YIPF1: variants seen among roughly 807,000 people sequenced by gnomAD.
The protein encoded by YIPF1 is protein YIPF1.
A neutral mutation model predicts 37.0 loss-of-function variants in YIPF1; 22 were observed. The ratio of observed to expected loss-of-function variants is 0.59; its 90% CI spans 0.42 to 0.85. YIPF1 has a LOEUF of 0.85. Among genes scored for constraint, YIPF1 ranks in the 40% least tolerant of loss-of-function variants. YIPF1 has a pLI of 0.00. For missense variants in YIPF1, 355 were observed against 373.1 expected (o/e 0.95, Z 0.40); for synonymous variants, 128 against 131.9 (o/e 0.97, Z 0.21).
chr1:53,859,952 T>C, intron 10 of YIPF1, 104 bp downstream of exon 10: 1 of 1,129,168 alleles, frequency 8.9e-7, no homozygotes, highest in Non-Finnish European at 1.3e-6. Flanking sequence ...TGCAGAAGGA[T>C]GAAAGGGTCT....
intron 9 of YIPF1, among the ~76,000 whole-genome samples, chr1:53,864,225 G>A (rs1032929572): frequency 2.6e-5 from 4 of 152,178 alleles, no homozygotes; most frequent in African/African-American, 4.8e-5. Flanking sequence ...TGCCAGTGAG[G>A]GACGAGAGAT....
At chr1:53,852,871 A>T (rs1649631271) in intron 10 of YIPF1, among the ~76,000 whole-genome samples, 1 of 152,216 alleles carries the variant, frequency 6.6e-6, no homozygotes. Context: ...GGCTGTGTAT[A>T]GGATGAATTG....
Position 53,878,785 on chromosome 1 carries a change from G to A in YIPF1, c.196-63C>T. 7 of 1,467,932 alleles carry A rather than the reference G, an allele frequency of 4.8e-6. No homozygotes were observed. The South Asian group carries it at 8.9e-5, about 19-fold the overall frequency. 90.9% of individuals were successfully genotyped at this position (1,467,932 alleles called of 1,614,324 possible). A position where few individuals can be genotyped will look rare whatever the true frequency, so the allele number is the denominator to read the frequency against. ...CAATTTCTTAATTCCAGCTGCGTGG[G>A]GTGCAGGAGGGATCTGATCTAATGG... On this transcript the variant is annotated intron_variant, in intron 4 of 10. Coordinates refer to ENST00000072644, the MANE Select transcript of YIPF1 (RefSeq NM_018982.5).
At chr1:53,883,359 A>T in intron 3 of YIPF1, 83 bp from the exon 4 acceptor site, 1 of 1,401,802 alleles carries the variant, frequency 7.1e-7, no homozygotes, top group Non-Finnish European at 9.3e-7. Context: ...ACAAGCTGTC[A>T]CAACCTCAGC....
chr1:53,864,350 A>G (rs1649964218), intron 9 of YIPF1, among the ~76,000 whole-genome samples: 2 of 152,252 alleles, frequency 1.3e-5, no homozygotes, highest in South Asian at 4.1e-4. Flanking sequence ...GCCAGAAATT[A>G]ATAGTGTCAT....
intron 9 of YIPF1, among the ~76,000 whole-genome samples, chr1:53,862,131 C>T (rs970422823): frequency 1.3e-5 from 2 of 152,180 alleles, no homozygotes; most frequent in African/African-American, 4.8e-5. Context: ...CTACTGTGCA[C>T]CAGACATATA....
Position 53,871,394 on chromosome 1 carries a change from A to G in YIPF1, c.459T>C (p.His153=), listed in dbSNP as rs374383040. ...FLIHLGEKTY[H]YVPEFRKVSI... is the part of the protein sequence containing the mutation. ...AACCTTTTCGGAATTCGGGCACATAATGGTACGTCTTCTCTCCCAGATGGA... is the reference window on the plus strand; with the variant it reads ...AACCTTTTCGGAATTCGGGCACATAGTGGTACGTCTTCTCTCCCAGATGGA... The change falls in exon 7 of 11, where the codon CAT becomes CAC. Residue 153 remains histidine, a synonymous_variant. Transcript: ENST00000072644. 1.2e-6 allele frequency: 2 copies of G among 1,613,856 alleles called. No homozygotes were observed. The highest frequency in any genetic ancestry group is 1.3e-5 in the African/African-American group (1 of 75,034).
At chr1:53,887,126 G>A (rs938087958) in intron 3 of YIPF1, among the ~76,000 whole-genome samples, 3 of 151,868 alleles carry the variant, frequency 2.0e-5, no homozygotes, top group Admixed American at 1.3e-4. Flanking sequence ...TCGCTCTGTC[G>A]CCCAGGCTGG....
At chr1:53,874,387 GC>G (rs1354715035) in intron 6 of YIPF1, among the ~76,000 whole-genome samples, 1 of 152,136 alleles carries the variant, frequency 6.6e-6, no homozygotes, top group African/African-American at 2.4e-5. Flanking sequence ...TTCATATTAT[GC>G]ATTTTTATAT....
chr1:53,867,617 G>A (rs1179163096), intron 7 of YIPF1, among the ~76,000 whole-genome samples: 5 of 152,122 alleles, frequency 3.3e-5, no homozygotes, highest in East Asian at 3.9e-4. Flanking sequence ...GCCCGCCTCC[G>A]CCTCCCAAAG....
At position 53,871,391 on chromosome 1, in the gene YIPF1, A is replaced by C. The variant is rs1650188043; in HGVS notation, c.462T>G (p.Tyr154Ter). Reference sequence around the variant, plus strand: ...ACCAACCTTTTCGGAATTCGGGCACATAATGGTACGTCTTCTCTCCCAGAT... The same window carrying C: ...ACCAACCTTTTCGGAATTCGGGCACCTAATGGTACGTCTTCTCTCCCAGAT... Reference protein sequence around the residue: ...LIHLGEKTYHYVPEFRKVSIA... With the variant: ...LIHLGEKTYH The change falls in exon 7 of 11, where the codon TAT becomes TAG. Residue 154 changes from tyrosine to a stop codon, truncating the protein, a stop_gained. Coordinates refer to ENST00000072644, the MANE Select transcript of YIPF1 (RefSeq NM_018982.5). LOFTEE classifies it high-confidence loss of function. 1 of 1,613,848 alleles carries C rather than the reference A, an allele frequency of 6.2e-7. No individual in the cohort carries two copies. Among genetic ancestry groups the C allele is most frequent in the African/African-American group, 1.3e-5 (1 of 75,048 alleles).
At chr1:53,852,558 TTC>T (rs1443188210) in intron 10 of YIPF1, among the ~76,000 whole-genome samples, 1 of 152,334 alleles carries the variant, frequency 6.6e-6, no homozygotes, top group East Asian at 1.9e-4. Context: ...TTGCCCATCC[TTC>T]TCTCTTTCTC....
intron 10 of YIPF1, among the ~76,000 whole-genome samples, chr1:53,857,695 T>C (rs11206227): frequency 0.033 from 5,012 of 152,200 alleles, 143 homozygotes; most frequent in East Asian, 0.12. Flanking sequence ...GGAAATGTTT[T>C]GTCAGGCCGG....
intron 3 of YIPF1, 96 bp downstream of exon 3, chr1:53,888,811 T>C (rs1650724904): frequency 8.4e-7 from 1 of 1,184,840 alleles, no homozygotes; most frequent in East Asian, 2.4e-5. Context: ...TGAAATAATA[T>C]CCTTCAATGT....
At chr1:53,861,308 T>C (rs1451936675) in intron 9 of YIPF1, among the ~76,000 whole-genome samples, 2 of 152,096 alleles carry the variant, frequency 1.3e-5, no homozygotes, top group East Asian at 1.9e-4. Context: ...ACAGTGCTAG[T>C]GCTGGGCTCC....
At position 53,887,348 on chromosome 1, in the gene YIPF1, G is replaced by C. The variant is rs768287347; in HGVS notation, c.31+1559C>G. On this transcript the variant is annotated intron_variant, in intron 3 of 10. Coordinates refer to ENST00000072644, the MANE Select transcript of YIPF1 (RefSeq NM_018982.5). ...GCCCTCCTCGGCCTCCCAAAGTGCT[G>C]GGATTACAGGTGTGAGCCACTGCGC... is the stretch of plus-strand genomic sequence containing the variant. Among the ~76,000 whole-genome samples the C allele has an allele frequency of 3.3e-5, 5 of 151,890 alleles. No homozygotes were observed. In the East Asian group the frequency reaches 9.6e-4, roughly 29 times the overall value.
intron 6 of YIPF1, 89 bp from the exon 7 acceptor site, chr1:53,871,577 C>A: frequency 9.2e-7 from 1 of 1,092,098 alleles, no homozygotes; most frequent in Non-Finnish European, 1.3e-6. Context: ...CTCTTGTATT[C>A]ATGTTAGCAA....
chr1:53,854,549 A>C lies in YIPF1; in HGVS notation c.*9-2279T>G, dbSNP rs182331685. Among the ~76,000 whole-genome samples the C allele has an allele frequency of 1.7e-3, 256 of 152,296 alleles. 2 individuals carry two copies. The highest frequency in any genetic ancestry group is 1.7e-3 in the Non-Finnish European group (118 of 68,032). ...GTCCCTTTCCTTGCCTCAGCCCTGC[A>C]GCCAAACCTTCCAATGTCACCACAG... On this transcript the variant is annotated intron_variant, in intron 10 of 10. Coordinates refer to ENST00000072644, the MANE Select transcript of YIPF1 (RefSeq NM_018982.5).
intron 6 of YIPF1, among the ~76,000 whole-genome samples, chr1:53,876,497 C>T (rs1324867941): frequency 1.3e-5 from 2 of 152,206 alleles, no homozygotes; most frequent in African/African-American, 4.8e-5. Flanking sequence ...TATATTGTAC[C>T]TTCTTCTTTT....
Sources: allele counts gnomAD v4.1 joint callset (sites outside exome capture counted in the v4.1 genomes callset), GRCh38; gene constraint gnomAD v4.1.1; transcripts MANE v1.5; gene names NCBI Gene and HGNC (gene_info 2026-07-23, HGNC 2026-07-21).